PRKN: variants seen among roughly 807,000 people sequenced by gnomAD.
PRKN encodes parkin RBR E3 ubiquitin protein ligase, also known as E3 ubiquitin-protein ligase parkin.
A neutral mutation model predicts 59.5 loss-of-function variants in PRKN; 56 were observed. The ratio of observed to expected loss-of-function variants is 0.94; its 90% CI spans 0.76 to 1.18. The LOEUF (loss-of-function observed/expected upper bound fraction) is 1.18, where lower values mean the gene tolerates loss of function less well. Among genes scored for constraint, PRKN ranks in the 50% most tolerant of loss-of-function variants. The pLI is 0.00. For missense variants in PRKN, 657 were observed against 596.4 expected, an observed-to-expected ratio of 1.10 and a Z score of -1.06; for synonymous variants, 250 against 222.1, an observed-to-expected ratio of 1.13 and a Z score of -1.12.
At chr6:161,476,047 C>A (rs1283212598) in intron 9 of PRKN, among the ~76,000 whole-genome samples, 1 of 151,740 alleles carries the variant, frequency 6.6e-6, no homozygotes, top group Non-Finnish European at 1.5e-5. Context: ...ATTAGCCGGG[C>A]GTGGTGGCGG....
At chr6:161,708,946 G>A (rs140415200) in intron 7 of PRKN, among the ~76,000 whole-genome samples, 1 of 152,284 alleles carries the variant, frequency 6.6e-6, no homozygotes, top group African/African-American at 2.4e-5. Context: ...TGAAGGAAAG[G>A]TTACACATCT....
chr6:161,859,028 C>T (rs967107886), intron 6 of PRKN, among the ~76,000 whole-genome samples: 2 of 151,418 alleles, frequency 1.3e-5, no homozygotes, highest in South Asian at 2.1e-4. Flanking sequence ...CACCAACATA[C>T]CCAGCTAATT....
At chr6:161,610,730 G>C (rs1199299906) in intron 7 of PRKN, among the ~76,000 whole-genome samples, 1 of 152,076 alleles carries the variant, frequency 6.6e-6, no homozygotes, top group Non-Finnish European at 1.5e-5. Context: ...GGAAGGTCTG[G>C]GGGAGGCTAT....
At chr6:162,054,895 C>T (rs1582963171) in intron 4 of PRKN, among the ~76,000 whole-genome samples, 1 of 152,278 alleles carries the variant, frequency 6.6e-6, no homozygotes, top group South Asian at 2.1e-4. Flanking sequence ...TGCACGGTGG[C>T]TCATTCCTAT....
rs57865447 is a variant in PRKN, at chr6:162,359,591, T to A, written c.171+83719A>T. ...TATAACTAAATATACCTTTTAAAATTAAAAAAAAAAAAACATAAACATGGT... is the reference window on the plus strand; with the variant it reads ...TATAACTAAATATACCTTTTAAAATAAAAAAAAAAAAAACATAAACATGGT... On this transcript the variant is annotated intron_variant, in intron 2 of 11. Coordinates refer to ENST00000366898, the MANE Select transcript of PRKN (RefSeq NM_004562.3). Among the ~76,000 whole-genome samples the A allele has an allele frequency of 8.9e-5, 13 of 146,492 alleles. No homozygotes were observed. The South Asian group carries it at 1.5e-3, about 17-fold the overall frequency.
chr6:162,690,856 A>G (rs1286248670), intron 1 of PRKN, among the ~76,000 whole-genome samples: 3 of 151,680 alleles, frequency 2.0e-5, no homozygotes, highest in African/African-American at 7.3e-5. Flanking sequence ...ATCTTTGAAA[A>G]ACCCTTGGGT....
chr6:161,874,789 A>G (rs1562356089), intron 6 of PRKN, among the ~76,000 whole-genome samples: 1 of 113,568 alleles, frequency 8.8e-6, no homozygotes, highest in East Asian at 3.1e-4. Flanking sequence ...AATGTATAAT[A>G]AATAAAATGT....
At chr6:161,800,208 G>C (rs1019303784) in intron 6 of PRKN, among the ~76,000 whole-genome samples, 2 of 152,104 alleles carry the variant, frequency 1.3e-5, no homozygotes, top group Non-Finnish European at 2.9e-5. Context: ...AGAGAGTGCC[G>C]TGGATCAAGC....
At chr6:162,626,682 T>A (rs747098754) in intron 1 of PRKN, among the ~76,000 whole-genome samples, 63 of 151,694 alleles carry the variant, frequency 4.2e-4, no homozygotes, top group Non-Finnish European at 3.4e-4. Flanking sequence ...GGCCTGGTAG[T>A]GGGCGCCTGT....
Position 162,044,002 on chromosome 6 carries a change from C to T in PRKN, c.618+10089G>A, listed in dbSNP as rs76163323. ...AGTGGCACTTCTACCCAGTTCTAAA[C>T]GAACATCTCATTTGTATGTTGTGTT... is the stretch of plus-strand genomic sequence containing the variant. On this transcript the variant is annotated intron_variant, in intron 5 of 11. Transcript: ENST00000366898. Among the ~76,000 whole-genome samples, 780 of 152,234 alleles carry T rather than the reference C, an allele frequency of 5.1e-3. 9 individuals are homozygous for T. Among genetic ancestry groups the T allele is most frequent in the African/African-American group, 0.017 (718 of 41,544 alleles).
intron 7 of PRKN, among the ~76,000 whole-genome samples, chr6:161,600,600 C>G (rs1771108197): frequency 6.6e-6 from 1 of 152,100 alleles, no homozygotes; most frequent in Non-Finnish European, 1.5e-5. Flanking sequence ...AATTACGGTT[C>G]TGTTGAATTG....
chr6:162,438,752 G>C (rs1210860304), intron 2 of PRKN, among the ~76,000 whole-genome samples: 2 of 152,148 alleles, frequency 1.3e-5, no homozygotes, highest in Non-Finnish European at 2.9e-5. Context: ...GAATTACGTT[G>C]TGTGTTGGTG....
At chr6:162,226,063 TTAATAATAATAA>T (rs746613563) in intron 3 of PRKN, among the ~76,000 whole-genome samples, 33 of 141,232 alleles carry the variant, frequency 2.3e-4, no homozygotes, top group African/African-American at 6.6e-4. Flanking sequence ...ATCAATAAGT[TTAATAATAATAA>T]TAATAATAAT....
intron 2 of PRKN, among the ~76,000 whole-genome samples, chr6:162,329,471 G>A (rs1186790335): frequency 6.6e-6 from 1 of 152,144 alleles, no homozygotes; most frequent in African/African-American, 2.4e-5. Flanking sequence ...CGGGTTGGAA[G>A]GGACTCCGTA....
chr6:162,004,008 C>G (rs1179329077), intron 5 of PRKN, among the ~76,000 whole-genome samples: 1 of 152,128 alleles, frequency 6.6e-6, no homozygotes, highest in African/African-American at 2.4e-5. Context: ...GCCTTGGTCT[C>G]GTCACACAGA....
At chr6:162,513,075 T>C (rs1166769269) in intron 1 of PRKN, among the ~76,000 whole-genome samples, 2 of 152,140 alleles carry the variant, frequency 1.3e-5, no homozygotes, top group African/African-American at 4.8e-5. Flanking sequence ...TGAAGAATGC[T>C]TCTCAGGGAA....
chr6:161,877,188 T>C (rs966092537), intron 6 of PRKN, among the ~76,000 whole-genome samples: 5 of 152,074 alleles, frequency 3.3e-5, no homozygotes, highest in African/African-American at 4.8e-5. Flanking sequence ...GTGGTAGTCA[T>C]AGAGGAGGAA....
chr6:162,561,882 GA>G (rs2128206365), intron 1 of PRKN, among the ~76,000 whole-genome samples: 1 of 152,258 alleles, frequency 6.6e-6, no homozygotes, highest in East Asian at 1.9e-4. Context: ...CAACTATTAG[GA>G]AAGTCCTAGT....
At chr6:162,261,656 C>G (rs1779892528) in intron 3 of PRKN, among the ~76,000 whole-genome samples, 1 of 151,648 alleles carries the variant, frequency 6.6e-6, no homozygotes, top group Non-Finnish European at 1.5e-5. Flanking sequence ...TGAAGCAGAG[C>G]CTCTTTCCCT....
Sources: gnomAD v4.1 joint callset for allele counts (sites outside exome capture counted in the v4.1 genomes callset) on GRCh38, gnomAD v4.1.1 for gene constraint, MANE v1.5 for transcripts, NCBI Gene and HGNC (gene_info 2026-07-23, HGNC 2026-07-21) for gene names.